The following SLMAP variants were observed in gnomAD, a reference collection of about 807,000 sequenced individuals.
SLMAP encodes the protein sarcolemmal membrane-associated protein.
SLMAP carries 44 observed loss-of-function variants against 128.8 expected under a neutral mutation model. The observed-to-expected ratio is 0.34, with a 90% CI of 0.27 to 0.44. SLMAP has a LOEUF of 0.44. Among genes scored for constraint, SLMAP ranks in the 20% least tolerant of loss-of-function variants. The probability of loss-of-function intolerance (pLI) is 1.00; values close to 1 mark genes in which losing one functional copy is unlikely to be tolerated. For missense variants in SLMAP, 787 were observed against 985.3 expected (o/e 0.80, Z 2.69); for synonymous variants, 327 against 348.8 (o/e 0.94, Z 0.70).
At chr3:57,803,219 AACATGAGTATATAC>A (rs2153498327) in intron 2 of SLMAP, among the ~76,000 whole-genome samples, 1 of 152,300 alleles carries the variant, frequency 6.6e-6, no homozygotes, top group South Asian at 2.1e-4. Context: ...TTAGGATAGA[AACATGAGTATATAC>A]TCATGTTTCC....
intron 9 of SLMAP, 127 bp from the exon 10 acceptor site, chr3:57,861,821 AG>A: frequency 1.4e-6 from 1 of 689,766 alleles, no homozygotes; most frequent in Non-Finnish European, 2.4e-6. Context: ...CTTTATTTAA[AG>A]TCCAGGGCAG....
In SLMAP at chr3:57,855,670, G is replaced by A. The variant is rs1431347554; in HGVS notation, c.520-2063G>A. ...GGTGGGAGGATCTTTGAGACCAGGA[G>A]TTCAAGACCATCCTGAGCAACATAA... On this transcript the variant is annotated intron_variant, in intron 6 of 24. Transcript: ENST00000671191. 3.7e-5 allele frequency among the ~76,000 whole-genome samples: 5 copies of A among 133,784 alleles called. No individual in the cohort carries two copies. In the Admixed American group the frequency reaches 4.3e-4, roughly 11 times the overall value. 87.8% of individuals were successfully genotyped at this position (133,784 alleles called of 152,430 possible).
intron 3 of SLMAP, among the ~76,000 whole-genome samples, chr3:57,839,706 C>T (rs1001179222): frequency 4.6e-5 from 7 of 151,976 alleles, no homozygotes; most frequent in African/African-American, 9.7e-5. Flanking sequence ...CAGGCTCAAG[C>T]GATTCTCCCA....
chr3:57,783,697 G>T (rs1220436931), intron 2 of SLMAP, among the ~76,000 whole-genome samples: 1 of 152,194 alleles, frequency 6.6e-6, no homozygotes. Flanking sequence ...AAGGAGATTA[G>T]TATGGATAGG....
At chr3:57,775,551 G>C (rs2081732065) in intron 2 of SLMAP, among the ~76,000 whole-genome samples, 1 of 150,922 alleles carries the variant, frequency 6.6e-6, no homozygotes, top group Non-Finnish European at 1.5e-5. Flanking sequence ...GCCGGGCGTG[G>C]TGGTGTATGC....
At chr3:57,809,575 T>A (rs138960547) in intron 2 of SLMAP, among the ~76,000 whole-genome samples, 8 of 152,220 alleles carry the variant, frequency 5.3e-5, no homozygotes, top group African/African-American at 1.9e-4. Flanking sequence ...GGTTCCCGGG[T>A]GGAAGGGGTT....
chr3:57,818,222 C>G (rs1469883721), intron 2 of SLMAP, among the ~76,000 whole-genome samples: 3 of 152,160 alleles, frequency 2.0e-5, no homozygotes, highest in African/African-American at 7.2e-5. Flanking sequence ...GTGGCGCAAT[C>G]TTGGCTCACT....
At chr3:57,874,487 C>G (rs968354241) in intron 14 of SLMAP, among the ~76,000 whole-genome samples, 2 of 151,702 alleles carry the variant, frequency 1.3e-5, no homozygotes, top group East Asian at 1.9e-4. Flanking sequence ...GCCGGTAGTC[C>G]CAGCTACTCA....
chr3:57,865,336 A>C (rs1270320571), intron 13 of SLMAP, 44 bp downstream of exon 13: 2 of 828,084 alleles, frequency 2.4e-6, no homozygotes, highest in East Asian at 5.5e-5. Context: ...TTATGATATC[A>C]TTTTAGTATT....
At chr3:57,841,676 T>C (rs2093942317) in intron 4 of SLMAP, among the ~76,000 whole-genome samples, 1 of 152,172 alleles carries the variant, frequency 6.6e-6, no homozygotes, top group South Asian at 2.1e-4. Context: ...AAGTTACTGG[T>C]AAGTGATAGC....
intron 13 of SLMAP, among the ~76,000 whole-genome samples, chr3:57,868,954 ATAAT>A (rs1378953968): frequency 1.5e-5 from 2 of 134,922 alleles, no homozygotes; most frequent in African/African-American, 5.4e-5. Flanking sequence ...TGTATTATAT[ATAAT>A]ATATGTGTGT....
intron 17 of SLMAP, chr3:57,901,590 T>C (rs1432671878): frequency 2.6e-5 from 4 of 152,104 alleles, no homozygotes; most frequent in Admixed American, 2.0e-4. Context: ...TAGGCACATA[T>C]TCTAAATGAT....
rs2097052769 is a variant in SLMAP at position 57,929,933 on chromosome 3, A to G, written c.*2644A>G. ...TATGAGAATGTCATACTGAAAAAATATTGCAAATATTAAAGTTTTAGGTAA... is the reference window on the plus strand; with the variant it reads ...TATGAGAATGTCATACTGAAAAAATGTTGCAAATATTAAAGTTTTAGGTAA... On this transcript the variant is annotated 3_prime_UTR_variant, in exon 25 of 25. Coordinates refer to ENST00000671191, the MANE Select transcript of SLMAP (RefSeq NM_001377540.1). 2.6e-5 allele frequency among the ~76,000 whole-genome samples: 4 copies of G among 152,244 alleles called. No homozygotes were observed. Among genetic ancestry groups the G allele is most frequent in the Admixed American group, 2.6e-4 (4 of 15,286 alleles).
chr3:57,857,105 G>A (rs1165664351), intron 6 of SLMAP, among the ~76,000 whole-genome samples: 1 of 151,984 alleles, frequency 6.6e-6, no homozygotes, highest in African/African-American at 2.4e-5. Context: ...TTTTTCTATT[G>A]TATGTTTTTA....
chr3:57,828,397 C>T (rs959555896), intron 2 of SLMAP, among the ~76,000 whole-genome samples: 1 of 152,104 alleles, frequency 6.6e-6, no homozygotes, highest in Non-Finnish European at 1.5e-5. Flanking sequence ...TCTTTCAAAA[C>T]AGCCAAGGGC....
At chr3:57,776,493 C>G (rs531757483) in intron 2 of SLMAP, among the ~76,000 whole-genome samples, 2 of 146,240 alleles carry the variant, frequency 1.4e-5, no homozygotes, top group African/African-American at 5.0e-5. Flanking sequence ...CACAATTCTC[C>G]CTGATTTGTC....
At chr3:57,915,805 A>T (rs529712543) in intron 21 of SLMAP, among the ~76,000 whole-genome samples, 2 of 152,312 alleles carry the variant, frequency 1.3e-5, no homozygotes, top group East Asian at 1.9e-4. Context: ...TTCTGTTCAC[A>T]CATATCAAGC....
intron 8 of SLMAP, among the ~76,000 whole-genome samples, chr3:57,860,201 G>C (rs1450105544): frequency 6.6e-6 from 1 of 152,104 alleles, no homozygotes; most frequent in Non-Finnish European, 1.5e-5. Context: ...TCTTTGGTCT[G>C]TGTAAATGTC....
chr3:57,772,916 A>C (rs1027076473), intron 2 of SLMAP, among the ~76,000 whole-genome samples: 1 of 152,172 alleles, frequency 6.6e-6, no homozygotes, highest in Non-Finnish European at 1.5e-5. Context: ...CTGGGATTAC[A>C]GGTGTGAGCC....
Sources: gnomAD v4.1 joint callset for allele counts (sites outside exome capture counted in the v4.1 genomes callset) on GRCh38, gnomAD v4.1.1 for gene constraint, MANE v1.5 for transcripts, NCBI Gene and HGNC (gene_info 2026-07-23, HGNC 2026-07-21) for gene names.